Variants in TP53BP1 observed in about 807,000 individuals in gnomAD.
TP53BP1 encodes tumor protein p53 binding protein 1.
Under a neutral mutation model 200.8 loss-of-function variants are expected in TP53BP1, and 61 were observed. The ratio of observed to expected loss-of-function variants is 0.30; its 90% CI spans 0.25 to 0.38. The LOEUF (loss-of-function observed/expected upper bound fraction) is 0.38, where lower values mean the gene tolerates loss of function less well. Ranked by LOEUF, TP53BP1 falls within the 10% of genes least tolerant of loss-of-function variation. TP53BP1 has a pLI of 1.00. For synonymous variants in TP53BP1, 822 were observed against 844.3 expected (o/e 0.97, Z 0.46); for missense variants, 2,144 against 2,371.9 (o/e 0.90, Z 2.00).
At chr15:43,454,416 T>C (rs538594796) in intron 12 of TP53BP1, among the ~76,000 whole-genome samples, 2 of 152,018 alleles carry the variant, frequency 1.3e-5, no homozygotes, top group Non-Finnish European at 2.9e-5. Context: ...CAGGCTGTAG[T>C]GCAATGGCGC....
At position 43,403,591 on chromosome 15, in the gene TP53BP1, G is replaced by C. The variant is rs146321531; in HGVS notation, c.*3792C>G. The stretch of plus-strand genomic sequence containing the variant: ...GATTTGGGAGGTCAGCTATTAATTA[G>C]ATCAGCTATTAATCAGACTGTTCTC... On this transcript the variant is annotated 3_prime_UTR_variant, in exon 28 of 28. Coordinates refer to ENST00000382044, the MANE Select transcript of TP53BP1 (RefSeq NM_001141980.3). 3.1e-4 allele frequency: 290 copies of C among 932,894 alleles called. 3 individuals are homozygous for C. The East Asian group carries it at 6.6e-3, about 21-fold the overall frequency. The allele number at this position is 932,894 out of a possible 1,614,324, so 57.8% of individuals were successfully genotyped here.
chr15:43,421,005 A>G lies in TP53BP1; in HGVS notation c.4250+20T>C. On this transcript the variant is annotated intron_variant, in intron 20 of 27. Coordinates refer to ENST00000382044, the MANE Select transcript of TP53BP1 (RefSeq NM_001141980.3). ...GTTTTCTGAACAACAGACTAAGTAT[A>G]TCTTACACTACCCAGGTACCTGGTT... 6.2e-7 allele frequency: 1 copy of G among 1,606,484 alleles called. No homozygotes were observed. The highest frequency in any genetic ancestry group is 2.2e-5 in the East Asian group (1 of 44,826).
chr15:43,414,801 G>A (rs1181321005), intron 23 of TP53BP1, among the ~76,000 whole-genome samples: 11 of 151,958 alleles, frequency 7.2e-5, no homozygotes, highest in Non-Finnish European at 1.5e-4. Context: ...TGCCTCCCAG[G>A]TTCAAATGAT....
intron 26 of TP53BP1, chr15:43,408,524 T>C (rs889469046): frequency 2.1e-4 from 59 of 275,834 alleles, no homozygotes; most frequent in African/African-American, 1.2e-3. Context: ...TCTTCCTTCT[T>C]TCTATGAATG....
intron 14 of TP53BP1, among the ~76,000 whole-genome samples, chr15:43,442,610 G>A (rs749620899): frequency 6.6e-6 from 1 of 151,382 alleles, no homozygotes; most frequent in Admixed American, 6.6e-5. Context: ...CGATTCTCAT[G>A]CCTCACCCTC....
Position 43,456,310 on chromosome 15 carries a change from C to T in TP53BP1, c.2298G>A (p.Val766=), listed in dbSNP as rs2046295336. Residue 766 remains valine, a synonymous_variant, in exon 12 of 28, where the codon GTG becomes GTA. Transcript: ENST00000382044. ...CATCAACTCTGGGAGATGGCTCTTT[C>T]ACATCTACAATGACAACACTGGAGT... ...SEDSSVVIVD[V]KEPSPRVDVS... is the part of the protein sequence containing the mutation. 6.2e-7 allele frequency: 1 copy of T among 1,614,110 alleles called. No individual in the cohort carries two copies. The highest frequency in any genetic ancestry group is 8.5e-7 in the Non-Finnish European group (1 of 1,180,044).
At chr15:43,496,728 A>T (rs1249231774), upstream of TP53BP1, among the ~76,000 whole-genome samples, 1 of 149,490 alleles carries the variant, frequency 6.7e-6, no homozygotes, top group Non-Finnish European at 1.5e-5. Context: ...GGTTCAACTG[A>T]TTCTCCTGCC....
chr15:43,408,368 C>T, intron 26 of TP53BP1: 1 of 328,452 alleles, frequency 3.0e-6, no homozygotes, highest in Non-Finnish European at 5.7e-6. Flanking sequence ...GTAGTCCCAG[C>T]AGCTTGGGAG....
At chr15:43,483,062 T>C (rs1248401630) in intron 4 of TP53BP1, among the ~76,000 whole-genome samples, 3 of 152,196 alleles carry the variant, frequency 2.0e-5, no homozygotes, top group Non-Finnish European at 4.4e-5. Context: ...CTGAACTGTA[T>C]ACTTAAATAT....
intron 11 of TP53BP1, among the ~76,000 whole-genome samples, chr15:43,462,701 C>T (rs1390951072): frequency 6.6e-6 from 1 of 152,182 alleles, no homozygotes; most frequent in African/African-American, 2.4e-5. Context: ...ACATCACTAA[C>T]GTAAAGCTAT....
Position 43,415,660 on chromosome 15 carries a change from G to A in TP53BP1, c.5023C>T (p.Leu1675Phe). 6.2e-7 allele frequency: 1 copy of A among 1,614,198 alleles called. No homozygotes were observed. Among genetic ancestry groups the A allele is most frequent in the Non-Finnish European group, 8.5e-7 (1 of 1,180,032 alleles). ...SMGVLSGKRKLITSEEERSPA... is the reference protein window; with the variant it reads ...SMGVLSGKRKFITSEEERSPA... ...GACCGTTCCTCTTCAGAAGTGATAA[G>A]TTTTCTTTTGCCTGAGAGAACTCCC... Residue 1675 changes from leucine (L) to phenylalanine (F), a missense_variant, in exon 23 of 28, where the codon CTT becomes TTT. By Grantham distance (22) the Leu-to-Phe change is conservative. Transcript: ENST00000382044.
Position 43,406,839 on chromosome 15 carries a change from T to A in TP53BP1, c.*544A>T. The A allele has an allele frequency of 3.1e-6, 1 of 323,708 alleles. No homozygotes were observed. The highest frequency in any genetic ancestry group is 6.0e-6 in the Non-Finnish European group (1 of 165,650). 20.1% of individuals were successfully genotyped at this position (323,708 alleles called of 1,614,324 possible). On this transcript the variant is annotated 3_prime_UTR_variant, in exon 28 of 28. Coordinates refer to ENST00000382044, the MANE Select transcript of TP53BP1 (RefSeq NM_001141980.3). ...CTGTCCCTTCATGGCAGTTGGTCCT[T>A]TCGTTCTCCCTTTAGCTCTAAGAGT...
intron 11 of TP53BP1, among the ~76,000 whole-genome samples, chr15:43,463,304 AG>A (rs2046483978): frequency 3.3e-5 from 5 of 152,202 alleles, no homozygotes; most frequent in Admixed American, 1.3e-4. Flanking sequence ...TTATTAGGAA[AG>A]AAAGAAAAAA....
intron 14 of TP53BP1, among the ~76,000 whole-genome samples, chr15:43,442,889 G>C (rs910322291): frequency 6.5e-5 from 8 of 122,778 alleles, no homozygotes; most frequent in African/African-American, 2.6e-4. Flanking sequence ...GCAGTGGCAT[G>C]ATCTCAGCTC....
chr15:43,507,906 G>A (rs1476844432), intron 1 of TP53BP1, among the ~76,000 whole-genome samples: 1 of 151,706 alleles, frequency 6.6e-6, no homozygotes, highest in Non-Finnish European at 1.5e-5. Flanking sequence ...GTAAAGATGG[G>A]GTTCCATTAT....
chr15:43,469,814 T>TA lies in TP53BP1; in HGVS notation c.1389+43dup, dbSNP rs761641268. ...AAATTATACCCCAATAATGCTGCTT[T>TA]AAAAAAATATGTTAGGAGAAACAAC... On this transcript the variant is annotated intron_variant, in intron 11 of 27. Coordinates refer to ENST00000382044, the MANE Select transcript of TP53BP1 (RefSeq NM_001141980.3). 9 of 1,515,208 alleles carry TA rather than the reference T, an allele frequency of 5.9e-6. No individual in the cohort carries two copies. In the South Asian group the frequency reaches 9.0e-5, roughly 15 times the overall value. 93.9% of individuals were successfully genotyped at this position (1,515,208 alleles called of 1,614,324 possible). A position where few individuals can be genotyped will look rare whatever the true frequency, so the allele number is the denominator to read the frequency against.
intron 4 of TP53BP1, among the ~76,000 whole-genome samples, chr15:43,481,833 A>G (rs2078973240): frequency 6.7e-6 from 1 of 148,684 alleles, no homozygotes; most frequent in African/African-American, 2.5e-5. Flanking sequence ...AAAAAAAGAG[A>G]GAGACAGAGT....
intron 23 of TP53BP1, 21 bp downstream of exon 23, chr15:43,415,571 ATG>A: frequency 6.2e-7 from 1 of 1,612,946 alleles, no homozygotes; most frequent in Non-Finnish European, 8.5e-7. Flanking sequence ...TGAAGGAAGA[ATG>A]AGGCAAAAAG....
At chr15:43,458,041 A>G (rs7173487) in intron 11 of TP53BP1, among the ~76,000 whole-genome samples, 27,186 of 151,944 alleles carry the variant, frequency 0.18, 3,282 homozygotes, top group African/African-American at 0.33. Flanking sequence ...TAATAATACT[A>G]ATAATAATAA....
Sources: gnomAD v4.1 joint callset for allele counts (sites outside exome capture counted in the v4.1 genomes callset) on GRCh38, gnomAD v4.1.1 for gene constraint, MANE v1.5 for transcripts, NCBI Gene and HGNC (gene_info 2026-07-23, HGNC 2026-07-21) for gene names.